CHCHD3: variants seen among roughly 807,000 people sequenced by gnomAD.
CHCHD3 encodes the protein MICOS complex subunit MIC19.
Under a neutral mutation model 38.2 loss-of-function variants are expected in CHCHD3, and 20 were observed. The ratio of observed to expected loss-of-function variants is 0.52; its 90% CI spans 0.37 to 0.76. CHCHD3 has a LOEUF of 0.76. Ranked by LOEUF, CHCHD3 falls within the 30% of genes least tolerant of loss-of-function variation. The probability of loss-of-function intolerance (pLI) is 0.00; values close to 1 mark genes in which losing one functional copy is unlikely to be tolerated. For missense variants in CHCHD3, 245 were observed against 279.2 expected (o/e 0.88, Z 0.87); for synonymous variants, 82 against 100.0 (o/e 0.82, Z 1.07).
intron 6 of CHCHD3, among the ~76,000 whole-genome samples, chr7:132,800,453 T>C (rs1203039633): frequency 6.6e-6 from 1 of 152,222 alleles, no homozygotes; most frequent in Non-Finnish European, 1.5e-5. Flanking sequence ...TCTTAGAACC[T>C]TCTTTGATGT....
intron 4 of CHCHD3, among the ~76,000 whole-genome samples, chr7:132,916,959 A>T (rs774748135): frequency 5.2e-4 from 79 of 152,326 alleles, no homozygotes; most frequent in Middle Eastern, 6.8e-3. Context: ...AGGGTTTGGT[A>T]CCATCTGCAT....
At chr7:132,844,653 C>G (rs190617545) in intron 5 of CHCHD3, among the ~76,000 whole-genome samples, 48 of 152,248 alleles carry the variant, frequency 3.2e-4, no homozygotes, top group Admixed American at 7.8e-4. Flanking sequence ...TGTTTTCCAT[C>G]AAGACTCTTT....
Position 132,988,133 on chromosome 7 carries a change from A to G in CHCHD3, c.252-12847T>C, listed in dbSNP as rs963003335. ...GCCAAAAGTTATATACAGATTTTCA[A>G]CTGCACAAGGGATCAGTGTTCCTAA... On this transcript the variant is annotated intron_variant, in intron 3 of 7. Coordinates refer to ENST00000262570, the MANE Select transcript of CHCHD3 (RefSeq NM_017812.4). 9.2e-5 allele frequency among the ~76,000 whole-genome samples: 14 copies of G among 152,142 alleles called. 1 individual carries two copies. The highest frequency in any genetic ancestry group is 5.9e-4 in the Admixed American group (9 of 15,260).
intron 2 of CHCHD3, among the ~76,000 whole-genome samples, chr7:133,027,630 G>T (rs1014552339): frequency 1.9e-4 from 29 of 151,988 alleles, no homozygotes; most frequent in African/African-American, 6.8e-4. Context: ...GGGTGTTTAG[G>T]GACCCTTCCA....
At chr7:133,042,725 C>A (rs1813866735) in intron 2 of CHCHD3, among the ~76,000 whole-genome samples, 1 of 152,194 alleles carries the variant, frequency 6.6e-6, no homozygotes, top group Non-Finnish European at 1.5e-5. Flanking sequence ...CATAATAACA[C>A]AATCTTAAGA....
In CHCHD3 at chr7:133,066,324, G is replaced by A. The variant is rs139606281; in HGVS notation, c.169+3818C>T. On this transcript the variant is annotated intron_variant, in intron 2 of 7. Coordinates refer to ENST00000262570, the MANE Select transcript of CHCHD3 (RefSeq NM_017812.4). ...GGCTGAAGTGCAGTGGCACAATCTC[G>A]GCTTACTGCAACTTCCGCCTCCCAG... 2.7e-3 allele frequency among the ~76,000 whole-genome samples: 404 copies of A among 151,220 alleles called. 1 individual carries two copies. Among genetic ancestry groups the A allele is most frequent in the African/African-American group, 8.6e-3 (356 of 41,158 alleles).
At chr7:132,973,679 G>A (rs1007867290) in intron 4 of CHCHD3, 1 of 1,026,268 alleles carries the variant, frequency 9.7e-7, no homozygotes, top group Non-Finnish European at 1.2e-6. Flanking sequence ...TGAAGAAACT[G>A]ATTCATTACG....
chr7:132,857,241 A>T (rs1224493169), intron 5 of CHCHD3, among the ~76,000 whole-genome samples: 1 of 152,068 alleles, frequency 6.6e-6, no homozygotes, highest in African/African-American at 2.4e-5. Context: ...TAAATCCATG[A>T]AACTGGAGCT....
chr7:133,031,603 G>C (rs142344394), intron 2 of CHCHD3, among the ~76,000 whole-genome samples: 5 of 151,968 alleles, frequency 3.3e-5, no homozygotes, highest in African/African-American at 1.2e-4. Context: ...TTGCTTCTTA[G>C]AGAAATATCA....
chr7:132,865,517 G>C (rs56310788), intron 5 of CHCHD3, among the ~76,000 whole-genome samples: 6 of 152,278 alleles, frequency 3.9e-5, no homozygotes, highest in Non-Finnish European at 7.4e-5. Context: ...AGGGACCATG[G>C]AGGTGGTGAA....
intron 4 of CHCHD3, among the ~76,000 whole-genome samples, chr7:132,937,439 A>C (rs1247328071): frequency 6.6e-6 from 1 of 152,218 alleles, no homozygotes; most frequent in African/African-American, 2.4e-5. Flanking sequence ...TTAAAATTAT[A>C]AGCAATTTAG....
At chr7:133,079,596 G>T (rs1044522375) in intron 1 of CHCHD3, among the ~76,000 whole-genome samples, 1 of 152,226 alleles carries the variant, frequency 6.6e-6, no homozygotes, top group African/African-American at 2.4e-5. Context: ...CAAGGGAAGT[G>T]ATGGTATTAC....
chr7:132,986,379 C>A (rs1812121531), intron 3 of CHCHD3, among the ~76,000 whole-genome samples: 1 of 136,508 alleles, frequency 7.3e-6, no homozygotes, highest in African/African-American at 2.8e-5. Flanking sequence ...CTGCGAGAAA[C>A]ACCCAAGAAT....
chr7:133,049,012 T>C (rs943720857), intron 2 of CHCHD3, among the ~76,000 whole-genome samples: 2 of 152,206 alleles, frequency 1.3e-5, no homozygotes, highest in African/African-American at 4.8e-5. Flanking sequence ...TATTTTAAAA[T>C]CATTTCAAAC....
At chr7:133,016,123 G>C (rs10227864) in intron 3 of CHCHD3, among the ~76,000 whole-genome samples, 43,196 of 152,024 alleles carry the variant, frequency 0.28, 6,851 homozygotes, top group Non-Finnish European at 0.37. Context: ...GATGTGGGTG[G>C]GGACATAGAA....
At chr7:133,012,656 C>T (rs1812906568) in intron 3 of CHCHD3, among the ~76,000 whole-genome samples, 2 of 151,566 alleles carry the variant, frequency 1.3e-5, no homozygotes, top group Non-Finnish European at 2.9e-5. Flanking sequence ...CCCAGCTACT[C>T]GGGAGGTTAA....
intron 1 of CHCHD3, among the ~76,000 whole-genome samples, chr7:133,074,827 A>C (rs1814929637): frequency 6.6e-6 from 1 of 152,210 alleles, no homozygotes; most frequent in Non-Finnish European, 1.5e-5. Flanking sequence ...AATAATGTTT[A>C]CCCCAGAGAT....
chr7:132,926,561 G>C (rs907725865), intron 4 of CHCHD3, among the ~76,000 whole-genome samples: 10 of 152,296 alleles, frequency 6.6e-5, no homozygotes, highest in African/African-American at 2.2e-4. Flanking sequence ...GCGCAAATGA[G>C]ATAATGTACA....
intron 4 of CHCHD3, among the ~76,000 whole-genome samples, chr7:132,947,959 G>A (rs891617205): frequency 2.6e-5 from 4 of 151,862 alleles, no homozygotes; most frequent in African/African-American, 9.7e-5. Flanking sequence ...AGTGTGACAA[G>A]GATCCCACAG....
Sources: gnomAD v4.1 joint callset for allele counts (sites outside exome capture counted in the v4.1 genomes callset) on GRCh38, gnomAD v4.1.1 for gene constraint, MANE v1.5 for transcripts, NCBI Gene and HGNC (gene_info 2026-07-23, HGNC 2026-07-21) for gene names.